SVEP1: variants seen among roughly 807,000 people sequenced by gnomAD.
SVEP1 encodes the protein sushi, von Willebrand factor type A, EGF and pentraxin domain containing 1, also known as sushi, von Willebrand factor type A, EGF and pentraxin domain-containing protein 1.
In SVEP1, 164 loss-of-function variants were observed where a neutral mutation model predicts 367.3. That is an observed-to-expected ratio of 0.45 (90% CI 0.39 to 0.51). The LOEUF (loss-of-function observed/expected upper bound fraction) is 0.51. Among genes scored for constraint, SVEP1 ranks in the 20% least tolerant of loss-of-function variants. The probability of loss-of-function intolerance (pLI) is 0.00; values close to 1 mark genes in which losing one functional copy is unlikely to be tolerated. For missense variants in SVEP1, 4,117 were observed against 4,425.3 expected (o/e 0.93, Z 1.98); for synonymous variants, 1,666 against 1,611.6 (o/e 1.03, Z -0.81).
Position 110,379,644 on chromosome 9 carries a change from C to T in SVEP1, c.10238-127G>A, listed in dbSNP as rs181063837. The T allele has an allele frequency of 3.7e-5, 35 of 939,702 alleles. No homozygotes were observed. In the Admixed American group the frequency reaches 8.1e-4, roughly 22 times the overall value. 58.2% of individuals were successfully genotyped at this position (939,702 alleles called of 1,614,324 possible). A position where few individuals can be genotyped will look rare whatever the true frequency, so the allele number is the denominator to read the frequency against. ...AAGGGAAACATTTTCACCTACTTAT[C>T]TAGAATAGTAAGAACTAAAAGAATT... On this transcript the variant is annotated intron_variant, in intron 43 of 47. Coordinates refer to ENST00000374469, the MANE Select transcript of SVEP1 (RefSeq NM_153366.4).
At chr9:110,434,666 TAAAAAAA>T (rs71371668) in intron 29 of SVEP1, among the ~76,000 whole-genome samples, 160 bp from the exon 30 acceptor site, 3 of 40,620 alleles carry the variant, frequency 7.4e-5, no homozygotes, top group African/African-American at 2.1e-4. Flanking sequence ...GCAAAATCAC[TAAAAAAA>T]AAAAAAAAAA....
intron 3 of SVEP1, among the ~76,000 whole-genome samples, chr9:110,539,548 A>G (rs1830118694): frequency 6.6e-6 from 1 of 151,932 alleles, no homozygotes; most frequent in South Asian, 2.1e-4. Context: ...GTTTAAAATG[A>G]TCAAATATTG....
At chr9:110,477,533 T>C (rs932282090) in intron 13 of SVEP1, among the ~76,000 whole-genome samples, 1 of 152,144 alleles carries the variant, frequency 6.6e-6, no homozygotes, top group African/African-American at 2.4e-5. Context: ...ACACCACCTC[T>C]CTCTTCTGAA....
rs144756585 is a variant in SVEP1, at chr9:110,393,801, G to C, written c.9823-4214C>G. 8.0e-3 allele frequency among the ~76,000 whole-genome samples: 1,219 copies of C among 152,332 alleles called. 18 individuals are homozygous for C. Among genetic ancestry groups the C allele is most frequent in the African/African-American group, 0.027 (1,129 of 41,556 alleles). Reference sequence around the variant, plus strand: ...ACATCAAACTGCAAGGCAGCAGCGAGGCTGGGGGAGGGGTGCCCACCATTG... The same window carrying C: ...ACATCAAACTGCAAGGCAGCAGCGACGCTGGGGGAGGGGTGCCCACCATTG... On this transcript the variant is annotated intron_variant, in intron 40 of 47. Transcript: ENST00000374469.
At chr9:110,513,843 G>C in intron 4 of SVEP1, 105 bp downstream of exon 4, 1 of 1,312,412 alleles carries the variant, frequency 7.6e-7, no homozygotes, top group Non-Finnish European at 1.0e-6. Context: ...TTAGAGAAAA[G>C]AACATTAAAG....
At chr9:110,441,490 TG>T (rs1828509406) in intron 27 of SVEP1, among the ~76,000 whole-genome samples, 1 of 152,248 alleles carries the variant, frequency 6.6e-6, no homozygotes, top group Admixed American at 6.5e-5. Context: ...CTCTGTCCTT[TG>T]GGTCTTCCAT....
intron 36 of SVEP1, among the ~76,000 whole-genome samples, chr9:110,414,119 G>A (rs1187365993): frequency 6.6e-6 from 1 of 151,962 alleles, no homozygotes; most frequent in Non-Finnish European, 1.5e-5. Flanking sequence ...CTTTCTGGGT[G>A]TCCTGGGCAA....
At chr9:110,470,386 C>A (rs949442029) in intron 16 of SVEP1, among the ~76,000 whole-genome samples, 2 of 152,052 alleles carry the variant, frequency 1.3e-5, no homozygotes, top group Non-Finnish European at 2.9e-5. Flanking sequence ...AGCTAAGACT[C>A]GTGTTGGCTG....
At chr9:110,556,998 C>A (rs1159228794) in intron 1 of SVEP1, among the ~76,000 whole-genome samples, 1 of 152,210 alleles carries the variant, frequency 6.6e-6, no homozygotes, top group Non-Finnish European at 1.5e-5. Context: ...CCAAACAACA[C>A]ACCATAAGCT....
Position 110,511,488 on chromosome 9 carries a change from C to CTTTTTT in SVEP1, c.1303+1432_1303+1437dup, listed in dbSNP as rs199993986. 2.1e-4 allele frequency among the ~76,000 whole-genome samples: 16 copies of CTTTTTT among 77,544 alleles called. 1 individual carries two copies. Among genetic ancestry groups the CTTTTTT allele is most frequent in the East Asian group, 1.3e-3 (3 of 2,288 alleles). The allele number at this position is 77,544 out of a possible 152,430, so 50.9% of individuals were successfully genotyped here. ...CTAGGTCCATTCATTGTGTCAGTAC[C>CTTTTTT]TTTTTTTTTTTTTTTTTTTTTTTTT... On this transcript the variant is annotated intron_variant, in intron 5 of 47. Transcript: ENST00000374469.
chr9:110,407,323 C>T lies in SVEP1; in HGVS notation c.8277G>A (p.Glu2759=), dbSNP rs930555927. The T allele has an allele frequency of 6.2e-7, 1 of 1,614,006 alleles. No homozygotes were observed. The highest frequency in any genetic ancestry group is 1.6e-4 in the Middle Eastern group (1 of 6,062). Reference sequence around the variant, plus strand: ...GGGAGGCACCACTCCACTTTCTATTCTCTAGACAAAGCCTTAAGTCAGAGC... The same window carrying T: ...GGGAGGCACCACTCCACTTTCTATTTTCTAGACAAAGCCTTAAGTCAGAGC... ...LAGSDLRLCL[E]NRKWSGASPR... The change falls in exon 38 of 48, where the codon GAG becomes GAA. Residue 2759 remains glutamate (E), a synonymous_variant. Coordinates refer to ENST00000374469, the MANE Select transcript of SVEP1 (RefSeq NM_153366.4).
intron 3 of SVEP1, among the ~76,000 whole-genome samples, chr9:110,544,036 G>A (rs894984459): frequency 1.3e-5 from 2 of 152,008 alleles, no homozygotes; most frequent in African/African-American, 4.8e-5. Context: ...CCCAGGAAGG[G>A]GGTTTCTGCC....
intron 36 of SVEP1, among the ~76,000 whole-genome samples, chr9:110,423,509 G>A (rs996488517): frequency 1.3e-5 from 2 of 152,154 alleles, no homozygotes; most frequent in Non-Finnish European, 2.9e-5. Context: ...CATTTAAGAT[G>A]GGAGTGCTGA....
At chr9:110,426,543 A>G (rs1401828547) in intron 36 of SVEP1, among the ~76,000 whole-genome samples, 1 of 152,224 alleles carries the variant, frequency 6.6e-6, no homozygotes, top group Non-Finnish European at 1.5e-5. Context: ...AATCCAGAAA[A>G]TGGCAACTTT....
Position 110,483,668 on chromosome 9 carries a change from C to A in SVEP1, c.1956G>T (p.Trp652Cys). 2 of 1,609,982 alleles carry A rather than the reference C, an allele frequency of 1.2e-6. No homozygotes were observed. The highest frequency in any genetic ancestry group is 1.1e-5 in the South Asian group (1 of 90,350). Reference protein sequence around the residue: ...VIDAEPPVIDWCRSPPPVQVS... With the variant: ...VIDAEPPVIDCCRSPPPVQVS... The stretch of plus-strand genomic sequence containing the variant: ...CCTGGACGGGAGGTGGAGATCTGCA[C>A]CAGTCTATGACAGGTGGTTCTGCAT... Residue 652 changes from tryptophan to cysteine, a missense_variant, in exon 10 of 48, where the codon TGG becomes TGT. Transcript: ENST00000374469.
At chr9:110,534,798 T>C (rs1830059949) in intron 3 of SVEP1, among the ~76,000 whole-genome samples, 1 of 152,200 alleles carries the variant, frequency 6.6e-6, no homozygotes, top group Non-Finnish European at 1.5e-5. Context: ...TTTTTTCATA[T>C]GCTCATTGGG....
intron 3 of SVEP1, among the ~76,000 whole-genome samples, chr9:110,520,836 T>C (rs901046115): frequency 6.6e-6 from 1 of 152,186 alleles, no homozygotes; most frequent in African/African-American, 2.4e-5. Flanking sequence ...AGTTAACAAA[T>C]CACTTTAAAG....
Position 110,484,379 on chromosome 9 carries a change from G to A in SVEP1, c.1931-686C>T, listed in dbSNP as rs539453041. On this transcript the variant is annotated intron_variant, in intron 9 of 47. Transcript: ENST00000374469. ...AAGCACTGGGAGTCTGTGTTGCTGA[G>A]CACTGGAATTCTGGCTGAAGGGTGG... Among the ~76,000 whole-genome samples the A allele has an allele frequency of 3.9e-5, 6 of 152,276 alleles. No individual in the cohort carries two copies. The East Asian group carries it at 9.6e-4, about 24-fold the overall frequency.
intron 46 of SVEP1, 22 bp from the exon 47 acceptor site, chr9:110,370,038 T>C: frequency 1.2e-6 from 2 of 1,600,178 alleles, no homozygotes; most frequent in Non-Finnish European, 1.7e-6. Context: ...AACCCATGCA[T>C]TTATTTAATT....
Sources: gnomAD v4.1 joint callset for allele counts (sites outside exome capture counted in the v4.1 genomes callset) on GRCh38, gnomAD v4.1.1 for gene constraint, MANE v1.5 for transcripts, NCBI Gene and HGNC (gene_info 2026-07-23, HGNC 2026-07-21) for gene names.